The following MTUS1 variants were observed in gnomAD, a reference collection of about 807,000 sequenced individuals.
MTUS1 encodes the protein microtubule associated scaffold protein 1, also known as microtubule-associated tumor suppressor 1.
A neutral mutation model predicts 120.8 loss-of-function variants in MTUS1; 109 were observed. The observed-to-expected ratio is 0.90, with a 90% CI of 0.77 to 1.06. The LOEUF (loss-of-function observed/expected upper bound fraction) is 1.06, where lower values mean the gene tolerates loss of function less well. Among genes scored for constraint, MTUS1 ranks in the 50% least tolerant of loss-of-function variants. MTUS1 has a pLI of 0.00. For missense variants in MTUS1, 2,210 were observed against 1,486.3 expected (o/e 1.49, Z -8.01); for synonymous variants, 737 against 550.5 (o/e 1.34, Z -4.74).
rs62498379 is a variant in MTUS1, at chr8:17,778,331, G to A, written c.-154-22370C>T. 9.9e-3 allele frequency among the ~76,000 whole-genome samples: 1,501 copies of A among 152,226 alleles called. 10 individuals are homozygous for A. The highest frequency in any genetic ancestry group is 0.016 in the Non-Finnish European group (1,102 of 68,020). On this transcript the variant is annotated intron_variant, in intron 1 of 14. Transcript: ENST00000693296. ...ATATTCTGGAAAGGCAAATCTAAGG[G>A]AACAGGATTGGTGTTTGTCTAAGAA...
At chr8:17,727,810 C>T (rs537376351) in intron 3 of MTUS1, among the ~76,000 whole-genome samples, 26 of 152,268 alleles carry the variant, frequency 1.7e-4, no homozygotes, top group Admixed American at 1.0e-3. Flanking sequence ...CATAGACTTA[C>T]GTATAGACAA....
intron 12 of MTUS1, among the ~76,000 whole-genome samples, chr8:17,652,668 T>G (rs1807268635): frequency 6.6e-6 from 1 of 152,068 alleles, no homozygotes; most frequent in Non-Finnish European, 1.5e-5. Flanking sequence ...AAATCCCATC[T>G]CTACTAAAAA....
intron 1 of MTUS1, among the ~76,000 whole-genome samples, chr8:17,778,741 G>T (rs2050647891): frequency 6.6e-6 from 1 of 152,126 alleles, no homozygotes; most frequent in Admixed American, 6.5e-5. Context: ...CCCTGGAGGG[G>T]GAGGTTGCAG....
At chr8:17,780,543 C>T (rs991134539) in intron 1 of MTUS1, among the ~76,000 whole-genome samples, 3 of 152,060 alleles carry the variant, frequency 2.0e-5, no homozygotes, top group African/African-American at 7.2e-5. Flanking sequence ...AGCCAAAAAC[C>T]TAGGAGTCAG....
At chr8:17,700,999 A>G (rs1585795403) in intron 6 of MTUS1, among the ~76,000 whole-genome samples, 1 of 152,180 alleles carries the variant, frequency 6.6e-6, no homozygotes, top group East Asian at 1.9e-4. Flanking sequence ...AGAATCTAGC[A>G]TAATCTGTAT....
intron 13 of MTUS1, among the ~76,000 whole-genome samples, chr8:17,648,721 C>T (rs1225856289): frequency 6.6e-6 from 1 of 152,218 alleles, no homozygotes; most frequent in Non-Finnish European, 1.5e-5. Context: ...CCAACACAAA[C>T]CAAGCAGCAG....
chr8:17,745,745 T>G (rs1390067172), intron 2 of MTUS1, among the ~76,000 whole-genome samples: 1 of 152,226 alleles, frequency 6.6e-6, no homozygotes, highest in Non-Finnish European at 1.5e-5. Flanking sequence ...GACAAAGCTC[T>G]TTCCTGGTTT....
chr8:17,754,852 T>C lies in MTUS1; in HGVS notation c.956A>G (p.Asn319Ser), dbSNP rs575211265. Residue 319 changes from asparagine to serine, a missense_variant, in exon 2 of 15, where the codon AAT (asparagine) becomes AGT (serine). Physicochemically the swap from Asn to Ser is conservative, Grantham distance 46. Coordinates refer to ENST00000693296, the MANE Select transcript of MTUS1 (RefSeq NM_001363059.2). ...EFFCLSHDES[N>S]SEPHSQSSYR... ...TGAGCTCTGTGAATGTGGTTCGCTA[T>C]TGGATTCATCATGGGATAAACAAAA... 2.2e-5 allele frequency: 35 copies of C among 1,614,242 alleles called. No individual in the cohort carries two copies. The Admixed American group carries it at 3.0e-4, about 14-fold the overall frequency.
At chr8:17,759,816 G>A (rs959077887) in intron 1 of MTUS1, among the ~76,000 whole-genome samples, 2 of 151,610 alleles carry the variant, frequency 1.3e-5, no homozygotes, top group Admixed American at 6.6e-5. Context: ...AGATTTACAA[G>A]CTAGTGGTTT....
intron 4 of MTUS1, among the ~76,000 whole-genome samples, chr8:17,717,644 G>C (rs1490915949): frequency 2.6e-5 from 4 of 151,892 alleles, no homozygotes; most frequent in East Asian, 3.9e-4. Flanking sequence ...CTAAAATTTA[G>C]AGACACAAAG....
At position 17,671,446 on chromosome 8, in the gene MTUS1, G is replaced by A. The variant is rs953802477; in HGVS notation, c.2905+3740C>T. On this transcript the variant is annotated intron_variant, in intron 8 of 14. Transcript: ENST00000693296. ...AACACGAGACAGTAAAGACATCAAC[G>A]TAGAGTATCAAAAAATCACTGGACC... Among the ~76,000 whole-genome samples the A allele has an allele frequency of 7.2e-5, 11 of 152,298 alleles. No homozygotes were observed. The South Asian group carries it at 2.3e-3, about 32-fold the overall frequency.
At chr8:17,693,661 C>T (rs1817401364) in intron 6 of MTUS1, among the ~76,000 whole-genome samples, 1 of 152,144 alleles carries the variant, frequency 6.6e-6, no homozygotes, top group African/African-American at 2.4e-5. Context: ...TCCTGAGGAC[C>T]CAACTTAAAA....
intron 8 of MTUS1, among the ~76,000 whole-genome samples, chr8:17,671,404 C>T (rs891106139): frequency 2.0e-5 from 3 of 151,966 alleles, no homozygotes; most frequent in African/African-American, 7.3e-5. Context: ...GGACTTTATA[C>T]CTGAAGGTAA....
At chr8:17,769,845 T>C (rs1410898499) in intron 1 of MTUS1, among the ~76,000 whole-genome samples, 1 of 145,008 alleles carries the variant, frequency 6.9e-6, no homozygotes, top group Admixed American at 7.0e-5. Context: ...AGTTTCAGTT[T>C]TCTTCTCTCT....
At chr8:17,680,081 A>G (rs559198939) in intron 7 of MTUS1, among the ~76,000 whole-genome samples, 17 of 152,264 alleles carry the variant, frequency 1.1e-4, no homozygotes, top group East Asian at 5.8e-4. Context: ...TATCTCTAAT[A>G]TAACACAGAC....
rs560106774 is a variant in MTUS1 at position 17,750,299 on chromosome 8, G to T, written c.2091+3418C>A. Among the ~76,000 whole-genome samples the T allele has an allele frequency of 2.6e-5, 4 of 152,294 alleles. No individual in the cohort carries two copies. The South Asian group carries it at 8.3e-4, about 32-fold the overall frequency. On this transcript the variant is annotated intron_variant, in intron 2 of 14. Coordinates refer to ENST00000693296, the MANE Select transcript of MTUS1 (RefSeq NM_001363059.2). ...AAGTGACTGTACACAAACTAACAAAGATCTTCTGTCTCTGGCTAGGTTAAA... is the reference window on the plus strand; with the variant it reads ...AAGTGACTGTACACAAACTAACAAATATCTTCTGTCTCTGGCTAGGTTAAA...
chr8:17,712,166 A>G (rs1821432567), intron 6 of MTUS1, among the ~76,000 whole-genome samples: 3 of 152,232 alleles, frequency 2.0e-5, no homozygotes, highest in Admixed American at 2.0e-4. Context: ...CAAAAAGCAC[A>G]GTATTTGCAA....
intron 7 of MTUS1, chr8:17,676,054 A>C (rs1813034739): frequency 1.0e-5 from 6 of 573,616 alleles, no homozygotes; most frequent in Non-Finnish European, 1.9e-5. Context: ...GTAACTAAAA[A>C]AAAAATGAAG....
intron 7 of MTUS1, chr8:17,681,736 G>A (rs1026833367): frequency 3.9e-5 from 6 of 154,698 alleles, no homozygotes; most frequent in African/African-American, 1.2e-4. Flanking sequence ...ATTAAAAGGG[G>A]CAGTTGTTGC....
Sources: gnomAD v4.1 joint callset for allele counts (sites outside exome capture counted in the v4.1 genomes callset) on GRCh38, gnomAD v4.1.1 for gene constraint, MANE v1.5 for transcripts, NCBI Gene and HGNC (gene_info 2026-07-23, HGNC 2026-07-21) for gene names.